The following SLC6A15 variants were observed in gnomAD, a reference collection of about 807,000 sequenced individuals.
The protein encoded by SLC6A15 is solute carrier family 6 member 15.
SLC6A15 carries 33 observed loss-of-function variants against 68.5 expected under a neutral mutation model. The ratio of observed to expected loss-of-function variants is 0.48; its 90% CI spans 0.37 to 0.64. SLC6A15 has a LOEUF of 0.64. Among genes scored for constraint, SLC6A15 ranks in the 30% least tolerant of loss-of-function variants. The probability of loss-of-function intolerance (pLI) is 0.00; values close to 1 mark genes in which losing one functional copy is unlikely to be tolerated. For missense variants in SLC6A15, 747 were observed against 874.3 expected (o/e 0.85, Z 1.84); for synonymous variants, 347 against 301.0 (o/e 1.15, Z -1.58).
chr12:84,896,192 C>G (rs1050069483), intron 1 of SLC6A15, among the ~76,000 whole-genome samples: 1 of 152,186 alleles, frequency 6.6e-6, no homozygotes, highest in Admixed American at 6.5e-5. Context: ...TTGTCCTCAT[C>G]ATTATTTGGT....
intron 8 of SLC6A15, among the ~76,000 whole-genome samples, chr12:84,871,908 T>C (rs2120571762): frequency 6.6e-6 from 1 of 152,254 alleles, no homozygotes; most frequent in South Asian, 2.1e-4. Context: ...ATCACAGCAC[T>C]TTGGGAGGCC....
intron 1 of SLC6A15, among the ~76,000 whole-genome samples, chr12:84,911,764 AC>A: frequency 6.6e-6 from 1 of 152,210 alleles, no homozygotes; most frequent in South Asian, 2.1e-4. Flanking sequence ...AAAGGTAGAA[AC>A]GATCTGGGTT....
chr12:84,874,327 A>G (rs1279600844), intron 6 of SLC6A15, among the ~76,000 whole-genome samples: 3 of 152,212 alleles, frequency 2.0e-5, no homozygotes, highest in Non-Finnish European at 4.4e-5. Context: ...CACGGTGCCT[A>G]CCACACTCTA....
intron 2 of SLC6A15, among the ~76,000 whole-genome samples, chr12:84,890,582 C>G (rs1872341348): frequency 2.6e-5 from 4 of 152,174 alleles, no homozygotes; most frequent in Admixed American, 1.3e-4. Flanking sequence ...GTCACTGACT[C>G]TACGTTCGAT....
chr12:84,896,640 C>T (rs76752381), intron 1 of SLC6A15, among the ~76,000 whole-genome samples: 4 of 151,902 alleles, frequency 2.6e-5, no homozygotes, highest in Non-Finnish European at 5.9e-5. Context: ...ATTGAAAATG[C>T]GTAGTTCCAA....
Position 84,860,156 on chromosome 12 carries a change from A to G in SLC6A15, c.*1476T>C, listed in dbSNP as rs1870785993. On this transcript the variant is annotated 3_prime_UTR_variant, in exon 12 of 12. Transcript: ENST00000266682. ...ATTTATTAACATCTATCTATAGCAGAGCGAGAATACTGGCTGAAATAAATC... is the reference window on the plus strand; with the variant it reads ...ATTTATTAACATCTATCTATAGCAGGGCGAGAATACTGGCTGAAATAAATC... The G allele has an allele frequency of 6.6e-6, 1 of 152,102 alleles. No individual in the cohort carries two copies. The highest frequency in any genetic ancestry group is 2.1e-4 in the South Asian group (1 of 4,832). 9.4% of individuals were successfully genotyped at this position (152,102 alleles called of 1,614,324 possible).
In SLC6A15 at chr12:84,865,031, C is replaced by G. The variant is rs188561387; in HGVS notation, c.1656-1430G>C. 1.0e-3 allele frequency among the ~76,000 whole-genome samples: 158 copies of G among 152,212 alleles called. 1 individual carries two copies. The highest frequency in any genetic ancestry group is 3.7e-3 in the African/African-American group (152 of 41,556). ...TCTTTAGTAAGTCTATCATGAATAA[C>G]GAACTGTCTAAATGGAAATCTAAAT... On this transcript the variant is annotated intron_variant, in intron 10 of 11. Transcript: ENST00000266682.
chr12:84,898,687 T>G (rs1341334666), intron 1 of SLC6A15, among the ~76,000 whole-genome samples: 4 of 152,194 alleles, frequency 2.6e-5, no homozygotes, highest in African/African-American at 9.6e-5. Flanking sequence ...ACTCAATATA[T>G]TCTCTCTTTT....
rs1872410081 is a variant in SLC6A15, at chr12:84,891,832, C to T, written c.289G>A (p.Gly97Ser). The change falls in exon 2 of 12, where the codon GGT becomes AGT. Residue 97 changes from glycine (G) to serine (S), a missense_variant and splice_region_variant. By Grantham distance (56) the Gly-to-Ser change is moderately conservative. Coordinates refer to ENST00000266682, the MANE Select transcript of SLC6A15 (RefSeq NM_182767.6). ...FPYLCQKNGG[G>S]AYLLPYLILL... ...TTTATCACTTAAAAAGATTACTTACCGCCCCCATTCTTCTGACATAGGTAT... is the reference window on the plus strand; with the variant it reads ...TTTATCACTTAAAAAGATTACTTACTGCCCCCATTCTTCTGACATAGGTAT... 4 of 1,607,236 alleles carry T rather than the reference C, an allele frequency of 2.5e-6. No individual in the cohort carries two copies. Among genetic ancestry groups the T allele is most frequent in the Non-Finnish European group, 3.4e-6 (4 of 1,175,832 alleles).
chr12:84,912,795 C>T lies in SLC6A15; in HGVS notation c.-461G>A. 1 of 153,128 alleles carries T rather than the reference C, an allele frequency of 6.5e-6. No homozygotes were observed. Among genetic ancestry groups the T allele is most frequent in the Non-Finnish European group, 1.5e-5 (1 of 68,834 alleles). 9.5% of individuals were successfully genotyped at this position (153,128 alleles called of 1,614,324 possible). On this transcript the variant is annotated 5_prime_UTR_variant, in exon 1 of 12. Coordinates refer to ENST00000266682, the MANE Select transcript of SLC6A15 (RefSeq NM_182767.6). Reference sequence around the variant, plus strand: ...GCGGGTGCGGGTGCGCGTGTACATGCGTATGTGTGTGTGCGCGCGCGCGTG... The same window carrying T: ...GCGGGTGCGGGTGCGCGTGTACATGTGTATGTGTGTGTGCGCGCGCGCGTG...
Position 84,888,017 on chromosome 12 carries a change from G to C in SLC6A15, c.290-1949C>G, listed in dbSNP as rs201480390. On this transcript the variant is annotated intron_variant, in intron 2 of 11. Coordinates refer to ENST00000266682, the MANE Select transcript of SLC6A15 (RefSeq NM_182767.6). ...GAGGCTGGCAGATCGCTTGAGTTCA[G>C]GAGTTCGAGACCAGCTTGGGCAACA... Among the ~76,000 whole-genome samples, 31 of 151,938 alleles carry C rather than the reference G, an allele frequency of 2.0e-4. No homozygotes were observed. The East Asian group carries it at 2.7e-3, about 13-fold the overall frequency.
intron 1 of SLC6A15, among the ~76,000 whole-genome samples, chr12:84,905,320 A>G (rs1005305837): frequency 3.9e-5 from 6 of 152,230 alleles, no homozygotes; most frequent in African/African-American, 1.4e-4. Flanking sequence ...TCACATGACT[A>G]TATCTACTGA....
intron 9 of SLC6A15, among the ~76,000 whole-genome samples, chr12:84,868,306 A>G (rs1871142898): frequency 6.6e-6 from 1 of 152,234 alleles, no homozygotes; most frequent in East Asian, 1.9e-4. Flanking sequence ...GTATAAAATA[A>G]TATTGCATTC....
intron 5 of SLC6A15, chr12:84,882,456 A>G: frequency 2.1e-6 from 2 of 956,064 alleles, no homozygotes; most frequent in Non-Finnish European, 2.5e-6. Context: ...TTCCTTCAGG[A>G]AGATAAATGT....
At chr12:84,894,589 C>T (rs1872556454) in intron 1 of SLC6A15, among the ~76,000 whole-genome samples, 1 of 151,950 alleles carries the variant, frequency 6.6e-6, no homozygotes, top group African/African-American at 2.4e-5. Context: ...CATGAATCTC[C>T]CCCAAATTTT....
At chr12:84,901,794 A>T (rs187277117) in intron 1 of SLC6A15, among the ~76,000 whole-genome samples, 44 of 151,974 alleles carry the variant, frequency 2.9e-4, no homozygotes, top group African/African-American at 9.2e-4. Flanking sequence ...CTAGTAAATT[A>T]TCTCCCTGTC....
intron 1 of SLC6A15, among the ~76,000 whole-genome samples, chr12:84,895,235 A>T (rs11835496): frequency 0.032 from 4,909 of 151,918 alleles, 263 homozygotes; most frequent in African/African-American, 0.11. Flanking sequence ...CCATATTACC[A>T]ATGTTTAAAC....
chr12:84,864,584 T>C (rs1277160513), intron 10 of SLC6A15, among the ~76,000 whole-genome samples: 1 of 152,072 alleles, frequency 6.6e-6, no homozygotes, highest in African/African-American at 2.4e-5. Flanking sequence ...CCTCCCAAAG[T>C]GTTGGGATTA....
intron 5 of SLC6A15, among the ~76,000 whole-genome samples, chr12:84,877,669 C>G (rs1871615275): frequency 6.6e-6 from 1 of 152,140 alleles, no homozygotes; most frequent in Non-Finnish European, 1.5e-5. Context: ...GTCTCATCTT[C>G]ATCTTCTCCC....
Sources: allele counts gnomAD v4.1 joint callset (sites outside exome capture counted in the v4.1 genomes callset), GRCh38; gene constraint gnomAD v4.1.1; transcripts MANE v1.5; gene names NCBI Gene and HGNC (gene_info 2026-07-23, HGNC 2026-07-21).